GAB2: variants seen among roughly 807,000 people sequenced by gnomAD.
GAB2 encodes the protein GRB2 associated binding protein 2.
Under a neutral mutation model 65.5 loss-of-function variants are expected in GAB2, and 26 were observed. That is an observed-to-expected ratio of 0.40 (90% CI 0.29 to 0.55). The LOEUF is 0.55. Ranked by LOEUF, GAB2 falls within the 20% of genes least tolerant of loss-of-function variation. GAB2 has a pLI of 0.53. For missense variants in GAB2, 884 were observed against 875.8 expected, an observed-to-expected ratio of 1.01 and a Z score of -0.12; for synonymous variants, 321 against 329.6, an observed-to-expected ratio of 0.97 and a Z score of 0.28.
At chr11:78,336,355 A>AAAC (rs1856001733) in intron 1 of GAB2, among the ~76,000 whole-genome samples, 1 of 147,094 alleles carries the variant, frequency 6.8e-6, no homozygotes, top group Non-Finnish European at 1.5e-5. Flanking sequence ...AAAAAAAAAA[A>AAAC]AAAAAAACAC....
At chr11:78,371,797 T>A (rs1484678229) in intron 1 of GAB2, among the ~76,000 whole-genome samples, 1 of 152,156 alleles carries the variant, frequency 6.6e-6, no homozygotes, top group Non-Finnish European at 1.5e-5. Context: ...AAACATAGTC[T>A]GACAGCTGTA....
At chr11:78,220,762 C>T (rs933178288) in intron 8 of GAB2, among the ~76,000 whole-genome samples, 1 of 152,168 alleles carries the variant, frequency 6.6e-6, no homozygotes, top group Non-Finnish European at 1.5e-5. Context: ...CTGTGCTAAC[C>T]CCTGTACCAC....
chr11:78,343,183 AACC>A (rs1304549233), intron 1 of GAB2, among the ~76,000 whole-genome samples: 2 of 152,144 alleles, frequency 1.3e-5, no homozygotes, highest in Admixed American at 6.5e-5. Context: ...ATTTCTAGAA[AACC>A]ACCATGAGAA....
At chr11:78,328,150 G>A (rs890645591) in intron 1 of GAB2, among the ~76,000 whole-genome samples, 1 of 152,100 alleles carries the variant, frequency 6.6e-6, no homozygotes, top group Non-Finnish European at 1.5e-5. Context: ...TCCGAGAAAC[G>A]GATATACACA....
chr11:78,261,940 T>A (rs1865746458), intron 2 of GAB2, among the ~76,000 whole-genome samples: 1 of 152,178 alleles, frequency 6.6e-6, no homozygotes, highest in African/African-American at 2.4e-5. Context: ...CCAAAATACA[T>A]CACTGTATTT....
intron 2 of GAB2, among the ~76,000 whole-genome samples, chr11:78,255,386 G>C (rs1319459036): frequency 6.6e-6 from 1 of 152,076 alleles, no homozygotes; most frequent in East Asian, 1.9e-4. Context: ...GGAGGTCCTA[G>C]GAAACCAATA....
intron 1 of GAB2, among the ~76,000 whole-genome samples, chr11:78,400,834 G>A (rs1856959416): frequency 1.3e-5 from 2 of 150,018 alleles, no homozygotes; most frequent in African/African-American, 2.5e-5. Flanking sequence ...CGCCTAGGAG[G>A]CGGAGACTGC....
intron 4 of GAB2, among the ~76,000 whole-genome samples, chr11:78,226,142 A>G (rs1313356936): frequency 6.6e-6 from 1 of 152,264 alleles, no homozygotes; most frequent in African/African-American, 2.4e-5. Flanking sequence ...GATTTGATTT[A>G]CAAATGAATA....
intron 3 of GAB2, among the ~76,000 whole-genome samples, chr11:78,228,232 T>G (rs1864744976): frequency 6.6e-6 from 1 of 152,208 alleles, no homozygotes; most frequent in Non-Finnish European, 1.5e-5. Flanking sequence ...AGGTTCTCTG[T>G]AAGTGCTTTG....
At chr11:78,330,839 G>T (rs1855902134) in intron 1 of GAB2, among the ~76,000 whole-genome samples, 1 of 151,498 alleles carries the variant, frequency 6.6e-6, no homozygotes, top group Admixed American at 6.6e-5. Flanking sequence ...GAAGTAGAAA[G>T]GTATTAGTTC....
Position 78,250,188 on chromosome 11 carries a change from G to C in GAB2, c.589C>G (p.Gln197Glu), listed in dbSNP as rs765262199. The change falls in exon 3 of 10, where the codon CAG (glutamine) becomes GAG (glutamate). Residue 197 changes from glutamine to glutamate, a missense_variant. Physicochemically the swap from Gln to Glu is conservative, Grantham distance 29. Coordinates refer to ENST00000361507, the MANE Select transcript of GAB2 (RefSeq NM_080491.3). ...SAPQEYLYLH[Q>E]CISRRAENAR... The stretch of plus-strand genomic sequence containing the variant: ...TTTTCTGCTCTTCGGCTTATGCACT[G>C]GTGCAAGTAGAGATACTCCTGAGGT... 1.3e-5 allele frequency: 21 copies of C among 1,613,004 alleles called. No homozygotes were observed. Among genetic ancestry groups the C allele is most frequent in the Admixed American group, 1.7e-5 (1 of 59,822 alleles).
chr11:78,297,849 T>C (rs1866881840), intron 1 of GAB2, among the ~76,000 whole-genome samples: 1 of 152,130 alleles, frequency 6.6e-6, no homozygotes, highest in Non-Finnish European at 1.5e-5. Flanking sequence ...CAAACATACA[T>C]ACAACCACAT....
At chr11:78,357,566 A>G (rs1249444309) in intron 1 of GAB2, among the ~76,000 whole-genome samples, 4 of 152,228 alleles carry the variant, frequency 2.6e-5, no homozygotes, top group Non-Finnish European at 4.4e-5. Flanking sequence ...ACAAATTTAC[A>G]AGAAAAAAAC....
intron 1 of GAB2, among the ~76,000 whole-genome samples, chr11:78,409,365 A>T (rs1002190054): frequency 6.6e-6 from 1 of 152,172 alleles, no homozygotes; most frequent in Admixed American, 6.5e-5. Flanking sequence ...CAGGCGGATG[A>T]CCTGAGGTCA....
intron 1 of GAB2, among the ~76,000 whole-genome samples, chr11:78,303,855 G>C (rs1387569734): frequency 2.0e-5 from 3 of 152,164 alleles, no homozygotes; most frequent in African/African-American, 7.2e-5. Context: ...ATGAGCTGTT[G>C]CCAGTCCTCT....
intron 1 of GAB2, among the ~76,000 whole-genome samples, chr11:78,344,911 T>C (rs1328455405): frequency 6.6e-6 from 1 of 152,092 alleles, no homozygotes; most frequent in East Asian, 1.9e-4. Flanking sequence ...AATGAGTGAG[T>C]CACACTGCAG....
intron 2 of GAB2, among the ~76,000 whole-genome samples, chr11:78,270,728 G>A (rs926953595): frequency 6.6e-6 from 1 of 152,158 alleles, no homozygotes; most frequent in Non-Finnish European, 1.5e-5. Context: ...TTGTCCTACA[G>A]ACATAGAAAT....
chr11:78,291,437 G>C (rs760098103), intron 1 of GAB2, among the ~76,000 whole-genome samples: 1 of 149,402 alleles, frequency 6.7e-6, no homozygotes, highest in South Asian at 2.1e-4. Flanking sequence ...CTGCACTCCA[G>C]CCTGGGCAAC....
intron 1 of GAB2, among the ~76,000 whole-genome samples, chr11:78,281,360 C>T (rs1339229849): frequency 3.3e-5 from 5 of 152,092 alleles, no homozygotes; most frequent in African/African-American, 1.2e-4. Flanking sequence ...ATTCTCCTGC[C>T]TCAGCCTCCT....
Sources: allele counts gnomAD v4.1 joint callset (sites outside exome capture counted in the v4.1 genomes callset), GRCh38; gene constraint gnomAD v4.1.1; transcripts MANE v1.5; gene names NCBI Gene and HGNC (gene_info 2026-07-23, HGNC 2026-07-21).